Variants in TEAD1 observed in about 807,000 individuals in gnomAD.
TEAD1 encodes TEA domain transcription factor 1.
Under a neutral mutation model 54.9 loss-of-function variants are expected in TEAD1, and 9 were observed. That is an observed-to-expected ratio of 0.16 (90% CI 0.10 to 0.29). The LOEUF is 0.29. TEAD1 is among the 10% of genes least tolerant of loss of function. TEAD1 has a pLI of 1.00. For missense variants in TEAD1, 387 were observed against 535.9 expected (o/e 0.72, Z 2.74); for synonymous variants, 200 against 187.8 (o/e 1.07, Z -0.53).
intron 5 of TEAD1, among the ~76,000 whole-genome samples, chr11:12,878,366 T>C (rs1947898947): frequency 1.3e-5 from 2 of 152,226 alleles, no homozygotes. Flanking sequence ...GCACCCTCTC[T>C]GCTGGTACTT....
At chr11:12,791,821 G>A (rs1339353196) in intron 3 of TEAD1, among the ~76,000 whole-genome samples, 3 of 152,150 alleles carry the variant, frequency 2.0e-5, no homozygotes, top group Non-Finnish European at 2.9e-5. Flanking sequence ...CCATAGGAAG[G>A]CCATAAAAAG....
At chr11:12,719,993 T>TGG (rs1944158813) in intron 2 of TEAD1, among the ~76,000 whole-genome samples, 2 of 58,964 alleles carry the variant, frequency 3.4e-5, no homozygotes, top group African/African-American at 3.6e-4. Flanking sequence ...TTTTTTTTTT[T>TGG]TGGGGGGGGA....
chr11:12,766,273 GATTTT>G (rs1564932531), intron 3 of TEAD1, among the ~76,000 whole-genome samples: 1 of 152,198 alleles, frequency 6.6e-6, no homozygotes, highest in African/African-American at 2.4e-5. Context: ...TCTCCATTGA[GATTTT>G]AGTTTATAGA....
At chr11:12,923,189 G>A (rs1384051156) in intron 10 of TEAD1, among the ~76,000 whole-genome samples, 1 of 152,078 alleles carries the variant, frequency 6.6e-6, no homozygotes, top group Non-Finnish European at 1.5e-5. Flanking sequence ...AGGCCTGTCT[G>A]CTCACTGTGT....
At chr11:12,894,369 G>C (rs1948264983) in intron 9 of TEAD1, among the ~76,000 whole-genome samples, 1 of 151,954 alleles carries the variant, frequency 6.6e-6, no homozygotes, top group Admixed American at 6.6e-5. Context: ...AGATTGAACT[G>C]CCTTCATCAG....
intron 3 of TEAD1, among the ~76,000 whole-genome samples, chr11:12,825,963 T>C (rs1417108344): frequency 6.6e-6 from 1 of 152,220 alleles, no homozygotes; most frequent in African/African-American, 2.4e-5. Context: ...CAATTGGATA[T>C]CCACATGCAA....
intron 3 of TEAD1, among the ~76,000 whole-genome samples, chr11:12,845,873 G>C (rs1947135951): frequency 6.6e-6 from 1 of 152,222 alleles, no homozygotes; most frequent in Admixed American, 6.5e-5. Context: ...CTCATGTTCA[G>C]AGTTTGCTCA....
chr11:12,881,764 G>C, intron 7 of TEAD1, 132 bp from the exon 8 acceptor site: 1 of 868,452 alleles, frequency 1.2e-6, no homozygotes, highest in Non-Finnish European at 1.9e-6. Context: ...TCTGCCTGGG[G>C]TGTGCTACCA....
chr11:12,772,823 G>T (rs1225422547), intron 3 of TEAD1, among the ~76,000 whole-genome samples: 1 of 152,090 alleles, frequency 6.6e-6, no homozygotes, highest in East Asian at 1.9e-4. Flanking sequence ...GAACTCGTTT[G>T]TGTGTGCGTA....
intron 2 of TEAD1, among the ~76,000 whole-genome samples, chr11:12,762,972 C>T (rs1353233864): frequency 6.6e-6 from 1 of 152,184 alleles, no homozygotes; most frequent in Non-Finnish European, 1.5e-5. Flanking sequence ...ACTGTGGCCA[C>T]ATGAAACCCT....
At chr11:12,838,865 G>C (rs1046177178) in intron 3 of TEAD1, among the ~76,000 whole-genome samples, 2 of 152,184 alleles carry the variant, frequency 1.3e-5, no homozygotes, top group Admixed American at 1.3e-4. Flanking sequence ...GTTGGTTATA[G>C]AGTGATAATA....
chr11:12,696,482 G>T (rs1943585183), intron 2 of TEAD1, among the ~76,000 whole-genome samples: 1 of 152,212 alleles, frequency 6.6e-6, no homozygotes, highest in South Asian at 2.1e-4. Context: ...AGGAAACACA[G>T]TTGTGCTGAG....
chr11:12,766,833 G>A (rs1484553777), intron 3 of TEAD1, among the ~76,000 whole-genome samples: 3 of 152,156 alleles, frequency 2.0e-5, no homozygotes, highest in Non-Finnish European at 4.4e-5. Context: ...AATCTTACTG[G>A]TTGTGGGTTT....
chr11:12,727,226 C>G (rs996719285), intron 2 of TEAD1, among the ~76,000 whole-genome samples: 2 of 152,112 alleles, frequency 1.3e-5, no homozygotes, highest in Non-Finnish European at 1.5e-5. Context: ...GCGACAGAAA[C>G]AAAAACAACA....
intron 10 of TEAD1, among the ~76,000 whole-genome samples, chr11:12,909,274 G>C (rs1948576754): frequency 6.6e-6 from 1 of 152,116 alleles, no homozygotes; most frequent in South Asian, 2.1e-4. Context: ...GAATGCTTCT[G>C]TCAGTTGATA....
chr11:12,920,513 C>G (rs1462944981), intron 10 of TEAD1, among the ~76,000 whole-genome samples: 1 of 152,128 alleles, frequency 6.6e-6, no homozygotes, highest in Non-Finnish European at 1.5e-5. Flanking sequence ...CTGCTTTCCC[C>G]CATGCTTAGA....
chr11:12,756,698 T>C (rs915769057), intron 2 of TEAD1, among the ~76,000 whole-genome samples: 2 of 152,214 alleles, frequency 1.3e-5, no homozygotes, highest in Non-Finnish European at 1.5e-5. Flanking sequence ...GTATTTGATA[T>C]TCCCATAGAA....
At chr11:12,837,037 G>A (rs1946906339) in intron 3 of TEAD1, among the ~76,000 whole-genome samples, 1 of 152,236 alleles carries the variant, frequency 6.6e-6, no homozygotes, top group African/African-American at 2.4e-5. Flanking sequence ...CTCAAGCCCA[G>A]CAAACTCATA....
chr11:12,696,242 T>C (rs1943579528), intron 2 of TEAD1, among the ~76,000 whole-genome samples: 1 of 152,182 alleles, frequency 6.6e-6, no homozygotes. Context: ...GTTGGACAGG[T>C]AGATACTTTC....
Sources: allele counts gnomAD v4.1 joint callset (sites outside exome capture counted in the v4.1 genomes callset), GRCh38; gene constraint gnomAD v4.1.1; transcripts MANE v1.5; gene names NCBI Gene and HGNC (gene_info 2026-07-23, HGNC 2026-07-21).